The following ZNF730 variants were observed in gnomAD, a reference collection of about 807,000 sequenced individuals.
ZNF730 encodes the protein zinc finger protein 730.
Under a neutral mutation model 12.6 loss-of-function variants are expected in ZNF730, and 12 were observed. That is an observed-to-expected ratio of 0.95 (90% CI 0.61 to 1.54). The LOEUF (loss-of-function observed/expected upper bound fraction) is 1.54. Ranked by LOEUF, ZNF730 falls within the 40% of genes most tolerant of loss-of-function variation. ZNF730 has a pLI of 0.00. For missense variants in ZNF730, 643 were observed against 583.5 expected (o/e 1.10, Z -1.05); for synonymous variants, 194 against 195.8 (o/e 0.99, Z 0.08).
At chr19:23,081,532 C>T (rs1031914933) in intron 1 of ZNF730, among the ~76,000 whole-genome samples, 1 of 152,110 alleles carries the variant, frequency 6.6e-6, no homozygotes, top group Non-Finnish European at 1.5e-5. Context: ...GTTGGCCAGG[C>T]TGGTCTCAAA....
At chr19:23,138,536 G>T (rs1970867041) in intron 3 of ZNF730, among the ~76,000 whole-genome samples, 2 of 152,206 alleles carry the variant, frequency 1.3e-5, no homozygotes. Flanking sequence ...TGGCTGGGAA[G>T]AGTTTTGGAT....
At chr19:23,142,190 A>T (rs573371953) in intron 3 of ZNF730, among the ~76,000 whole-genome samples, 16 of 152,292 alleles carry the variant, frequency 1.1e-4, no homozygotes, top group Middle Eastern at 3.4e-3. Context: ...CATTTTATAA[A>T]ACATGATAGT....
intron 2 of ZNF730, 30 bp downstream of exon 2, chr19:23,134,236 A>C (rs1157883194): frequency 1.3e-6 from 2 of 1,539,842 alleles, no homozygotes; most frequent in Non-Finnish European, 1.8e-6. Context: ...ACAATTCCTA[A>C]TATACCCTAT....
intron 1 of ZNF730, among the ~76,000 whole-genome samples, chr19:23,078,151 A>G (rs1969900258): frequency 6.6e-6 from 1 of 152,118 alleles, no homozygotes; most frequent in South Asian, 2.1e-4. Flanking sequence ...CCCCAGCCTG[A>G]CATGGGTAAA....
chr19:23,092,727 T>A (rs980043816), intron 1 of ZNF730, among the ~76,000 whole-genome samples: 1 of 151,986 alleles, frequency 6.6e-6, no homozygotes, highest in Non-Finnish European at 1.5e-5. Flanking sequence ...CTGGCCTGAA[T>A]AATATTTCTT....
rs777492485 is a variant in ZNF730 at position 23,145,504 on chromosome 19, T to C, written c.460T>C (p.Phe154Leu). 1.2e-4 allele frequency: 191 copies of C among 1,560,838 alleles called. No individual in the cohort carries two copies. The highest frequency in any genetic ancestry group is 1.0e-4 in the Non-Finnish European group (119 of 1,153,656). Residue 154 changes from phenylalanine to leucine, a missense_variant, in exon 4 of 4, where the codon TTT becomes CTT. By Grantham distance (22) the Phe-to-Leu change is conservative. Coordinates refer to ENST00000597761, the MANE Select transcript of ZNF730 (RefSeq NM_001277403.2). The part of the protein sequence containing the change: ...IFQCDKYVKV[F>L]HKFSNSNRHK... ...TCAGTGTGACAAATATGTGAAAGTC[T>C]TTCATAAATTTTCAAATTCAAACAG...
chr19:23,125,915 A>G (rs1037996963), intron 1 of ZNF730: 1 of 152,418 alleles, frequency 6.6e-6, no homozygotes, highest in East Asian at 1.9e-4. Context: ...CACAGAGTTA[A>G]AAACTCTCAC....
At chr19:23,077,298 T>C (rs1969879681) in intron 1 of ZNF730, among the ~76,000 whole-genome samples, 1 of 152,152 alleles carries the variant, frequency 6.6e-6, no homozygotes, top group South Asian at 2.1e-4. Flanking sequence ...AAAATGTGCA[T>C]AGGTAAAAAT....
chr19:23,146,499 T>C lies in ZNF730; in HGVS notation c.1455T>C (p.Cys485=), dbSNP rs775515423. 1 of 1,597,392 alleles carries C rather than the reference T, an allele frequency of 6.3e-7. No homozygotes were observed. The highest frequency in any genetic ancestry group is 8.5e-7 in the Non-Finnish European group (1 of 1,173,482). ...SGEKIYKCKE[C]GKAFRRFSHL... ...AAAAAATCTACAAATGTAAAGAATGTGGTAAAGCCTTTAGGCGGTTCTCAC... is the reference window on the plus strand; with the variant it reads ...AAAAAATCTACAAATGTAAAGAATGCGGTAAAGCCTTTAGGCGGTTCTCAC... Residue 485 remains cysteine, a synonymous_variant, in exon 4 of 4, where the codon TGT becomes TGC. Coordinates refer to ENST00000597761, the MANE Select transcript of ZNF730 (RefSeq NM_001277403.2).
rs1359161832 is a variant in ZNF730 at position 23,126,349 on chromosome 19, A to G, written c.4-7731A>G. 3.3e-5 allele frequency among the ~76,000 whole-genome samples: 5 copies of G among 152,188 alleles called. No homozygotes were observed. In the East Asian group the frequency reaches 5.8e-4, roughly 18 times the overall value. On this transcript the variant is annotated intron_variant, in intron 1 of 3. Transcript: ENST00000597761. ...CTTCTGAGTATGATGAGTGCACAATAATGGGCCACTATCTTGGGGAACACA... is the reference window on the plus strand; with the variant it reads ...CTTCTGAGTATGATGAGTGCACAATGATGGGCCACTATCTTGGGGAACACA...
chr19:23,100,354 T>C (rs1236709094), intron 1 of ZNF730: 1 of 152,162 alleles, frequency 6.6e-6, no homozygotes, highest in Non-Finnish European at 1.5e-5. Context: ...TTAATGTTGC[T>C]CCTAGGTAGG....
chr19:23,130,365 TG>T (rs1225514997), intron 1 of ZNF730, among the ~76,000 whole-genome samples: 1 of 152,204 alleles, frequency 6.6e-6, no homozygotes. Flanking sequence ...CACGTAGAAC[TG>T]TAAGTCCATT....
intron 1 of ZNF730, among the ~76,000 whole-genome samples, chr19:23,131,745 C>G (rs1016462409): frequency 6.6e-6 from 1 of 152,182 alleles, no homozygotes; most frequent in Non-Finnish European, 1.5e-5. Flanking sequence ...ATTCCTGTAT[C>G]CTTTCAAAAC....
intron 2 of ZNF730, among the ~76,000 whole-genome samples, 197 bp downstream of exon 2, chr19:23,134,403 G>A (rs376117739): frequency 0.04 from 5,691 of 143,482 alleles, 110 homozygotes; most frequent in East Asian, 0.11. Context: ...TCAGCCCCCC[G>A]CCCGGCCAGC....
rs1568315104 is a variant in ZNF730, at chr19:23,134,050, TAAA to T, written c.4-29_4-27del. On this transcript the variant is annotated intron_variant, in intron 1 of 3. Coordinates refer to ENST00000597761, the MANE Select transcript of ZNF730 (RefSeq NM_001277403.2). ...TAAAATTCTGCCCAGGGGCACTTGG[TAAA>T]TATGTGTGTTTGTTTGTGTTTTTCA... is the stretch of plus-strand genomic sequence containing the variant. 4.5e-5 allele frequency: 72 copies of T among 1,610,898 alleles called. No homozygotes were observed. The African/African-American group carries it at 7.3e-4, about 16-fold the overall frequency.
At chr19:23,087,649 C>G (rs1423916940) in intron 1 of ZNF730, among the ~76,000 whole-genome samples, 1 of 139,732 alleles carries the variant, frequency 7.2e-6, no homozygotes, top group African/African-American at 2.7e-5. Context: ...GGAGTTTGCT[C>G]TTGTTGCTCA....
chr19:23,088,936 G>A (rs1187585596), intron 1 of ZNF730, among the ~76,000 whole-genome samples: 1 of 151,874 alleles, frequency 6.6e-6, no homozygotes, highest in Non-Finnish European at 1.5e-5. Flanking sequence ...GCAGTGGTGC[G>A]ATCTCGGCTC....
At chr19:23,117,431 C>G (rs1045804746) in intron 1 of ZNF730, among the ~76,000 whole-genome samples, 1 of 152,150 alleles carries the variant, frequency 6.6e-6, no homozygotes, top group South Asian at 2.1e-4. Context: ...GCTCTGCACC[C>G]GCAGCGCTGC....
intron 1 of ZNF730, among the ~76,000 whole-genome samples, chr19:23,085,668 G>A (rs2145460833): frequency 6.7e-6 from 1 of 148,194 alleles, no homozygotes; most frequent in South Asian, 2.1e-4. Flanking sequence ...CCACCACCAA[G>A]TTTGGCTAAT....
Sources: allele counts gnomAD v4.1 joint callset (sites outside exome capture counted in the v4.1 genomes callset), GRCh38; gene constraint gnomAD v4.1.1; transcripts MANE v1.5; gene names NCBI Gene and HGNC (gene_info 2026-07-23, HGNC 2026-07-21).